PIWIL1: variants seen among roughly 807,000 people sequenced by gnomAD.
PIWIL1 encodes piwi-like protein 1.
A neutral mutation model predicts 114.4 loss-of-function variants in PIWIL1; 73 were observed. That is an observed-to-expected ratio of 0.64 (90% CI 0.53 to 0.78). The LOEUF is 0.78. Ranked by LOEUF, PIWIL1 falls within the 30% of genes least tolerant of loss-of-function variation. The probability of loss-of-function intolerance (pLI) is 0.00; values close to 1 mark genes in which losing one functional copy is unlikely to be tolerated. For missense variants in PIWIL1, 723 were observed against 1,063.1 expected, an observed-to-expected ratio of 0.68 and a Z score of 4.45; for synonymous variants, 375 against 369.0, an observed-to-expected ratio of 1.02 and a Z score of -0.19.
At chr12:130,414,249 G>A in the PIWIL1 span, 2 of 1,613,808 alleles carry the variant, frequency 1.2e-6, no homozygotes, top group South Asian at 2.2e-5. Context: ...TTCGGCACCA[G>A]GGTCAGTTTC....
chr12:130,424,553 G>C, the PIWIL1 span: 1 of 1,231,986 alleles, frequency 8.1e-7, no homozygotes, highest in Non-Finnish European at 1.0e-6. The surrounding 1 kb of genome is among the most constrained non-coding windows in gnomAD (Gnocchi z 9.8). Flanking sequence ...TGAACCGACA[G>C]CCCCTGTCTT....
chr12:130,418,241 A>C, the PIWIL1 span, among the ~76,000 whole-genome samples: 17 of 152,340 alleles, frequency 1.1e-4, no homozygotes, highest in African/African-American at 3.6e-4. Context: ...AAATGTCAGT[A>C]ATTTCTGCCA....
At chr12:130,347,196 T>C (rs998960509) in intron 6 of PIWIL1, 134 bp downstream of exon 6, 13 of 677,926 alleles carry the variant, frequency 1.9e-5, no homozygotes, top group Middle Eastern at 4.0e-4. Flanking sequence ...TTGCAGTAAC[T>C]TAAGGTGTGG....
chr12:130,371,863 T>C lies in PIWIL1; in HGVS notation c.*265T>C, dbSNP rs2073824160. 4.3e-6 allele frequency: 1 copy of C among 235,278 alleles called. No individual in the cohort carries two copies. The highest frequency in any genetic ancestry group is 2.3e-5 in the African/African-American group (1 of 43,476). 14.6% of individuals were successfully genotyped at this position (235,278 alleles called of 1,614,324 possible). A position where few individuals can be genotyped will look rare whatever the true frequency, so the allele number is the denominator to read the frequency against. ...TTATTTTGAAGAAATGTGGATAAGA[T>C]ACTTGGTAGTATAAAACAGACTCTC... On this transcript the variant is annotated 3_prime_UTR_variant, in exon 21 of 21. Coordinates refer to ENST00000245255, the MANE Select transcript of PIWIL1 (RefSeq NM_004764.5).
chr12:130,394,326 A>T, the PIWIL1 span, among the ~76,000 whole-genome samples: 1 of 152,216 alleles, frequency 6.6e-6, no homozygotes, highest in Non-Finnish European at 1.5e-5. Flanking sequence ...AAGGGCCTGG[A>T]GTCCGACTGC....
the PIWIL1 span, among the ~76,000 whole-genome samples, chr12:130,393,003 T>C: frequency 3.7e-5 from 5 of 133,940 alleles, no homozygotes; most frequent in African/African-American, 1.2e-4. Flanking sequence ...CTGGTGAGTA[T>C]TGAATGTTGT....
At chr12:130,361,427 A>G (rs2073504896) in intron 15 of PIWIL1, 47 bp downstream of exon 15, 1 of 1,611,134 alleles carries the variant, frequency 6.2e-7, no homozygotes, top group Non-Finnish European at 8.5e-7. Flanking sequence ...TTGGTATTTA[A>G]GAACATGGAT....
chr12:130,338,571 A>G (rs34172631), intron 1 of PIWIL1, among the ~76,000 whole-genome samples: 3 of 7,424 alleles, frequency 4.0e-4, no homozygotes, highest in African/African-American at 1.3e-3. Flanking sequence ...CAGGTGTGGG[A>G]GATGCAGGAG....
the PIWIL1 span, among the ~76,000 whole-genome samples, chr12:130,385,630 G>T: frequency 6.6e-6 from 1 of 152,204 alleles, no homozygotes; most frequent in African/African-American, 2.4e-5. Flanking sequence ...CCTCAGGGCA[G>T]TTGCATGCAC....
chr12:130,423,392 C>T, the PIWIL1 span, among the ~76,000 whole-genome samples: 27 of 152,320 alleles, frequency 1.8e-4, no homozygotes, highest in Admixed American at 1.0e-3. Flanking sequence ...CGCAAGCACA[C>T]GGCCTCAGAC....
chr12:130,411,488 C>T, the PIWIL1 span, among the ~76,000 whole-genome samples: 5 of 152,232 alleles, frequency 3.3e-5, no homozygotes, highest in Admixed American at 6.5e-5. Flanking sequence ...TCTGGCAATG[C>T]GGCAGGGGGC....
At chr12:130,379,411 T>C in the PIWIL1 span, among the ~76,000 whole-genome samples, 1 of 150,422 alleles carries the variant, frequency 6.6e-6, no homozygotes, top group Admixed American at 6.6e-5. Flanking sequence ...CATCCAAGCA[T>C]TGACAGTTCC....
chr12:130,347,966 TA>T (rs934908352), intron 6 of PIWIL1, 136 bp from the exon 7 acceptor site: 1 of 583,758 alleles, frequency 1.7e-6, no homozygotes, highest in East Asian at 2.9e-5. Context: ...TCATAGGCCA[TA>T]AAAAACAGCA....
chr12:130,343,600 A>T (rs974216652), intron 3 of PIWIL1, among the ~76,000 whole-genome samples: 6 of 149,018 alleles, frequency 4.0e-5, no homozygotes, highest in African/African-American at 9.9e-5. Flanking sequence ...CTGTAAAGGG[A>T]TGTGGATGCA....
intron 18 of PIWIL1, among the ~76,000 whole-genome samples, chr12:130,366,214 A>G (rs1400098872): frequency 6.6e-6 from 1 of 152,144 alleles, no homozygotes; most frequent in African/African-American, 2.4e-5. Context: ...TCTAATTGCT[A>G]CCTGTTCTAA....
At chr12:130,388,262 C>T in the PIWIL1 span, among the ~76,000 whole-genome samples, 1 of 152,170 alleles carries the variant, frequency 6.6e-6, no homozygotes, top group Non-Finnish European at 1.5e-5. Flanking sequence ...TCCAGGCATG[C>T]ACCACCTTGC....
the PIWIL1 span, among the ~76,000 whole-genome samples, chr12:130,407,287 A>C: frequency 6.6e-6 from 1 of 152,182 alleles, no homozygotes; most frequent in Non-Finnish European, 1.5e-5. Flanking sequence ...TCAAGACACC[A>C]GGCATCCCAA....
At chr12:130,348,832 G>A (rs2073139509) in intron 7 of PIWIL1, among the ~76,000 whole-genome samples, 1 of 152,094 alleles carries the variant, frequency 6.6e-6, no homozygotes, top group Non-Finnish European at 1.5e-5. Flanking sequence ...CCCGGGAGGC[G>A]GAGGTTGCAG....
At chr12:130,404,935 TTTA>T in the PIWIL1 span, among the ~76,000 whole-genome samples, 2 of 152,210 alleles carry the variant, frequency 1.3e-5, no homozygotes, top group Non-Finnish European at 2.9e-5. Context: ...GTATTCATTT[TTTA>T]TTATTAAAAA....
Sources: allele counts gnomAD v4.1 joint callset (sites outside exome capture counted in the v4.1 genomes callset), GRCh38; gene constraint gnomAD v4.1.1; non-coding constraint Gnocchi (gnomAD v3.1); transcripts MANE v1.5; gene names NCBI Gene and HGNC (gene_info 2026-07-23, HGNC 2026-07-21).